GRAMD1B: variants seen among roughly 807,000 people sequenced by gnomAD.
GRAMD1B encodes the protein GRAM domain containing 1B.
GRAMD1B carries 37 observed loss-of-function variants against 99.7 expected under a neutral mutation model. That is an observed-to-expected ratio of 0.37 (90% confidence interval 0.29 to 0.49). The LOEUF is 0.49. GRAMD1B is among the 20% of genes least tolerant of loss of function. The pLI is 0.98. For synonymous variants in GRAMD1B, 427 were observed against 387.6 expected, an observed-to-expected ratio of 1.10 and a Z score of -1.19; for missense variants, 888 against 1,009.2, an observed-to-expected ratio of 0.88 and a Z score of 1.63.
chr11:123,460,913 T>C (rs1038833159), intron 1 of GRAMD1B, among the ~76,000 whole-genome samples: 5 of 152,170 alleles, frequency 3.3e-5, no homozygotes, highest in African/African-American at 1.2e-4. Context: ...GTGCATCAGC[T>C]TCTCCTTTCC....
At chr11:123,617,106 A>G (rs1954518777) in intron 17 of GRAMD1B, among the ~76,000 whole-genome samples, 1 of 151,926 alleles carries the variant, frequency 6.6e-6, no homozygotes. Flanking sequence ...AAGGCATAGC[A>G]TAAGCTTTTC....
At chr11:123,558,607 G>T (rs1199135225) in intron 2 of GRAMD1B, among the ~76,000 whole-genome samples, 2 of 152,216 alleles carry the variant, frequency 1.3e-5, no homozygotes, top group Non-Finnish European at 2.9e-5. Flanking sequence ...CTCAGTTTTG[G>T]TTTCAGATCT....
chr11:123,494,715 G>A (rs1448088537), intron 2 of GRAMD1B, among the ~76,000 whole-genome samples: 1 of 152,090 alleles, frequency 6.6e-6, no homozygotes, highest in African/African-American at 2.4e-5. Context: ...TTTAGATTTG[G>A]ACAACTGGCA....
chr11:123,383,959 C>G (rs1336511366), intron 1 of GRAMD1B, among the ~76,000 whole-genome samples: 1 of 152,118 alleles, frequency 6.6e-6, no homozygotes, highest in Non-Finnish European at 1.5e-5. Flanking sequence ...CAACCTCCAC[C>G]TCCTGGGTTC....
chr11:123,423,054 C>T (rs1028346158), intron 1 of GRAMD1B, among the ~76,000 whole-genome samples: 4 of 152,236 alleles, frequency 2.6e-5, no homozygotes, highest in African/African-American at 9.6e-5. Context: ...AGAAACTTCA[C>T]ACTACTTACT....
chr11:123,576,045 G>A (rs1247223170), intron 2 of GRAMD1B, among the ~76,000 whole-genome samples: 1 of 151,914 alleles, frequency 6.6e-6, no homozygotes, highest in Non-Finnish European at 1.5e-5. Context: ...CCTGCCCCCA[G>A]CTCCCCTCCT....
At chr11:123,441,324 C>T (rs144504642) in intron 1 of GRAMD1B, among the ~76,000 whole-genome samples, 101 of 152,226 alleles carry the variant, frequency 6.6e-4, no homozygotes, top group African/African-American at 2.4e-3. Context: ...CCAGGTTCTC[C>T]TCCTACACTA....
chr11:123,490,748 T>C (rs1274137841), intron 2 of GRAMD1B, among the ~76,000 whole-genome samples: 1 of 152,100 alleles, frequency 6.6e-6, no homozygotes, highest in Admixed American at 6.5e-5. Flanking sequence ...GTGCCATCTA[T>C]TGAAAGGTAA....
chr11:123,416,577 G>A (rs1375148678), intron 1 of GRAMD1B, among the ~76,000 whole-genome samples: 28 of 152,090 alleles, frequency 1.8e-4, no homozygotes, highest in Non-Finnish European at 1.5e-5. Context: ...GTATGAGTAG[G>A]GAGCTACTGA....
In GRAMD1B at chr11:123,606,759, C is replaced by A; in HGVS notation, c.1474C>A (p.Pro492Thr). The A allele has an allele frequency of 6.2e-7, 1 of 1,613,746 alleles. No homozygotes were observed. Among genetic ancestry groups the A allele is most frequent in the Non-Finnish European group, 8.5e-7 (1 of 1,179,782 alleles). ...GGACTTCAATGACAATGAGGACATC[C>A]CCACTGAGCTCAGTGACTCTTCCGA... Reference protein sequence around the residue: ...SLDFNDNEDIPTELSDSSDTH... With the variant: ...SLDFNDNEDITTELSDSSDTH... The change falls in exon 11 of 20, where the codon CCC (proline) becomes ACC (threonine). Residue 492 changes from proline (P) to threonine (T), a missense_variant. Physicochemically the swap from Pro to Thr is conservative, Grantham distance 38 (BLOSUM62 -1). This residue lies in a region of GRAMD1B where 269 missense variants were observed against 296.6 expected (regional missense o/e 0.91). Transcript: ENST00000635736.
chr11:123,535,537 G>A (rs1943878732), intron 2 of GRAMD1B, among the ~76,000 whole-genome samples: 2 of 152,108 alleles, frequency 1.3e-5, no homozygotes, highest in East Asian at 3.9e-4. Flanking sequence ...TTTTTGGATG[G>A]TGGTGTGCTC....
intron 19 of GRAMD1B, among the ~76,000 whole-genome samples, chr11:123,621,658 G>T (rs568481991): frequency 6.6e-6 from 1 of 152,192 alleles, no homozygotes; most frequent in Non-Finnish European, 1.5e-5. Context: ...ATTCCTGGGC[G>T]GGGAGAACAA....
intron 2 of GRAMD1B, among the ~76,000 whole-genome samples, chr11:123,528,031 C>T (rs1942975378): frequency 1.3e-5 from 2 of 152,150 alleles, no homozygotes; most frequent in African/African-American, 2.4e-5. Context: ...TTATCTCTGC[C>T]TTGATACTGT....
At chr11:123,619,674 C>A in intron 19 of GRAMD1B, 1 of 217,270 alleles carries the variant, frequency 4.6e-6, no homozygotes, top group Non-Finnish European at 7.8e-6. Flanking sequence ...GATGGCTGTA[C>A]TTTGTCTTCT....
chr11:123,466,898 T>C (rs1950708226), intron 1 of GRAMD1B, among the ~76,000 whole-genome samples: 1 of 152,202 alleles, frequency 6.6e-6, no homozygotes, highest in Non-Finnish European at 1.5e-5. Flanking sequence ...CCAAGGAAGC[T>C]AGTAGGATGT....
intron 1 of GRAMD1B, chr11:123,435,318 GAAGTT>G: frequency 1.5e-6 from 1 of 658,370 alleles, no homozygotes; most frequent in South Asian, 1.7e-5. Context: ...TGATGTGGTA[GAAGTT>G]AAGTGGCTGA....
intron 2 of GRAMD1B, among the ~76,000 whole-genome samples, chr11:123,562,636 A>G (rs1946898067): frequency 6.6e-6 from 1 of 152,346 alleles, no homozygotes; most frequent in East Asian, 1.9e-4. Context: ...TCCAGATAAC[A>G]GACTCTTAAG....
intron 3 of GRAMD1B, among the ~76,000 whole-genome samples, chr11:123,580,752 G>A (rs1369689448): frequency 1.3e-5 from 2 of 152,194 alleles, no homozygotes; most frequent in Non-Finnish European, 2.9e-5. Flanking sequence ...CAGAGGGAGC[G>A]AGGGGCCGTT....
At chr11:123,443,480 A>T (rs576825750) in intron 1 of GRAMD1B, among the ~76,000 whole-genome samples, 1 of 152,272 alleles carries the variant, frequency 6.6e-6, no homozygotes, top group South Asian at 2.1e-4. Flanking sequence ...CATGTGAGGT[A>T]TATATTGGTT....
Sources: allele counts gnomAD v4.1 joint callset (sites outside exome capture counted in the v4.1 genomes callset), GRCh38; gene constraint gnomAD v4.1.1; regional missense constraint gnomAD v4.1.1; transcripts MANE v1.5; gene names NCBI Gene and HGNC (gene_info 2026-07-23, HGNC 2026-07-21).